The following GFM1 variants were observed in gnomAD, a reference collection of about 807,000 sequenced individuals.
GFM1 encodes the protein G elongation factor mitochondrial 1.
GFM1 carries 62 observed loss-of-function variants against 96.2 expected under a neutral mutation model. That is an observed-to-expected ratio of 0.64 (90% CI 0.53 to 0.80). The LOEUF (loss-of-function observed/expected upper bound fraction) is 0.80, where lower values mean the gene tolerates loss of function less well. GFM1 is among the 30% of genes least tolerant of loss of function. GFM1 has a pLI of 0.00. For missense variants in GFM1, 852 were observed against 916.6 expected (o/e 0.93, Z 0.91); for synonymous variants, 282 against 312.9 (o/e 0.90, Z 1.04).
chr3:158,645,645 G>C lies in GFM1; in HGVS notation c.98G>C (p.Cys33Ser). ...WQRKQVNWKA[C>S]RWSSSGVIPN... ...TTTTTTCAGGTTAATTGGAAGGCCT[G>C]CCGATGGTCTTCATCAGGGGTGATT... The change falls in exon 2 of 18, where the codon TGC (cysteine) becomes TCC (serine). Residue 33 changes from cysteine (C) to serine (S), a missense_variant. Cys to Ser is a moderately radical substitution (Grantham distance 112, BLOSUM62 -1). Coordinates refer to ENST00000486715, the MANE Select transcript of GFM1 (RefSeq NM_024996.7). The C allele has an allele frequency of 6.2e-7, 1 of 1,613,014 alleles. No homozygotes were observed. Among genetic ancestry groups the C allele is most frequent in the Non-Finnish European group, 8.5e-7 (1 of 1,179,006 alleles).
At chr3:158,664,094 A>C (rs1250534802) in intron 11 of GFM1, among the ~76,000 whole-genome samples, 3 of 152,328 alleles carry the variant, frequency 2.0e-5, no homozygotes, top group Admixed American at 6.5e-5. Context: ...AATGTGGATA[A>C]TTCTGCCTTG....
intron 8 of GFM1, among the ~76,000 whole-genome samples, chr3:158,655,485 G>GA (rs150158574): frequency 0.43 from 57,998 of 136,236 alleles, 12,787 homozygotes; most frequent in African/African-American, 0.6. Context: ...CTTCATCTCG[G>GA]AAAAAAAAAA....
At chr3:158,672,260 A>G (rs1724396612) in intron 13 of GFM1, 3 of 1,514,886 alleles carry the variant, frequency 2.0e-6, no homozygotes, top group Non-Finnish European at 2.7e-6. Flanking sequence ...GGTGGCACGG[A>G]GTGTCTGCAC....
chr3:158,683,739 A>G (rs1484784359), intron 14 of GFM1, among the ~76,000 whole-genome samples: 2 of 152,184 alleles, frequency 1.3e-5, no homozygotes, highest in African/African-American at 2.4e-5. Flanking sequence ...TGCTGTCTCT[A>G]TGATGGGTTA....
Position 158,653,363 on chromosome 3 carries a change from A to G in GFM1, c.894A>G (p.Gly298=), listed in dbSNP as rs1026873701. 3.7e-6 allele frequency: 6 copies of G among 1,613,520 alleles called. No individual in the cohort carries two copies. Among genetic ancestry groups the G allele is most frequent in the Non-Finnish European group, 5.1e-6 (6 of 1,179,584 alleles). Residue 298 remains glycine, a synonymous_variant, in exon 7 of 18, where the codon GGA becomes GGG. Coordinates refer to ENST00000486715, the MANE Select transcript of GFM1 (RefSeq NM_024996.7). ...GATCATTTACTCCTGTATTTTTGGG[A>G]AGCGCCTTGAAGAACAAAGGAGTTC... ...LKRSFTPVFL[G]SALKNKGVQP...
rs759222115 is a variant in GFM1, at chr3:158,690,220, C to T, written c.1967C>T (p.Ala656Val). ...CCTATTATGGCTGTGGAAGTTGTAG[C>T]TCCAAATGAATTTCAGGGACAAGTA... is the stretch of plus-strand genomic sequence containing the variant. Reference protein sequence around the residue: ...LEPIMAVEVVAPNEFQGQVIA... With the variant: ...LEPIMAVEVVVPNEFQGQVIA... Residue 656 changes from alanine to valine, a missense_variant, in exon 16 of 18, where the codon GCT (alanine) becomes GTT (valine). Physicochemically the swap from Ala to Val is moderately conservative, Grantham distance 64 (BLOSUM62 0). Coordinates refer to ENST00000486715, the MANE Select transcript of GFM1 (RefSeq NM_024996.7). 5 of 1,613,350 alleles carry T rather than the reference C, an allele frequency of 3.1e-6. No individual in the cohort carries two copies. The Admixed American group carries it at 8.3e-5, about 27-fold the overall frequency.
chr3:158,691,307 A>G (rs1278150745), intron 17 of GFM1, 29 bp from the exon 18 acceptor site: 3 of 1,613,256 alleles, frequency 1.9e-6, no homozygotes, highest in Non-Finnish European at 2.5e-6. Flanking sequence ...AAACAAACAA[A>G]AAACCCTCTC....
intron 8 of GFM1, among the ~76,000 whole-genome samples, chr3:158,658,321 C>T (rs1444952232): frequency 4.6e-5 from 7 of 152,156 alleles, no homozygotes; most frequent in African/African-American, 1.4e-4. Context: ...TGTGCCACCA[C>T]GTCTGGCTGA....
intron 6 of GFM1, 148 bp from the exon 7 acceptor site, chr3:158,653,162 G>A: frequency 1.6e-6 from 1 of 629,288 alleles, no homozygotes; most frequent in Non-Finnish European, 2.7e-6. Flanking sequence ...TTGACCTTAA[G>A]TTCATTGGAG....
chr3:158,646,358 C>T (rs891431378), intron 3 of GFM1, 61 bp downstream of exon 3: 14 of 1,558,686 alleles, frequency 9.0e-6, no homozygotes, highest in Non-Finnish European at 1.2e-5. Flanking sequence ...GGTTCTTTCT[C>T]TTACTGTGAC....
chr3:158,687,428 C>T (rs9824985), intron 15 of GFM1, among the ~76,000 whole-genome samples: 87,902 of 151,964 alleles, frequency 0.58, 26,247 homozygotes, highest in African/African-American at 0.73. Context: ...GAAAGAAGTC[C>T]TCAAAACATC....
At position 158,652,257 on chromosome 3, in the gene GFM1, T is replaced by G; in HGVS notation, c.840+11T>G. ...ATTTCTGATTTAAAGGCAAGTGCTT[T>G]CAAAATAAGTCTTATGTTAACAACA... On this transcript the variant is annotated intron_variant, in intron 6 of 17. Coordinates refer to ENST00000486715, the MANE Select transcript of GFM1 (RefSeq NM_024996.7). 1 of 1,613,060 alleles carries G rather than the reference T, an allele frequency of 6.2e-7. No homozygotes were observed. Among genetic ancestry groups the G allele is most frequent in the Non-Finnish European group, 8.5e-7 (1 of 1,178,986 alleles).
intron 13 of GFM1, among the ~76,000 whole-genome samples, chr3:158,681,264 T>G (rs1381477963): frequency 6.6e-6 from 1 of 152,198 alleles, no homozygotes; most frequent in Non-Finnish European, 1.5e-5. Flanking sequence ...AGATTTCAAT[T>G]TAAAGGAAGA....
intron 14 of GFM1, 49 bp downstream of exon 14, chr3:158,682,206 T>A (rs1272309112): frequency 1.4e-6 from 2 of 1,433,248 alleles, no homozygotes; most frequent in Non-Finnish European, 1.9e-6. Flanking sequence ...TAAAAACAGT[T>A]TATCAGGTAT....
At position 158,691,138 on chromosome 3, in the gene GFM1, G is replaced by C; in HGVS notation, c.2071-1G>C. 3 of 1,606,356 alleles carry C rather than the reference G, an allele frequency of 1.9e-6. No individual in the cohort carries two copies. The highest frequency in any genetic ancestry group is 2.6e-6 in the Non-Finnish European group (3 of 1,173,104). ...AAAATATCTACTATGTTTGTTTTCA[G>C]GTCCCTCTAAATGATATGTTTGGTT... On this transcript the variant is annotated splice_acceptor_variant, in intron 16 of 17. Coordinates refer to ENST00000486715, the MANE Select transcript of GFM1 (RefSeq NM_024996.7). LOFTEE classifies it high-confidence loss of function.
At chr3:158,677,778 A>G (rs1725028244) in intron 13 of GFM1, among the ~76,000 whole-genome samples, 1 of 152,252 alleles carries the variant, frequency 6.6e-6, no homozygotes, top group Admixed American at 6.5e-5. Context: ...CTGGGATTAC[A>G]GGCATGAGCC....
At position 158,693,095 on chromosome 3, in the gene GFM1, A is replaced by G. The variant is rs773718084; in HGVS notation, c.*1628A>G. ...AATAGAAGAAGCACAGATAAGGTAAATAACTTTAATGAGACCACAAAACCT... is the reference window on the plus strand; with the variant it reads ...AATAGAAGAAGCACAGATAAGGTAAGTAACTTTAATGAGACCACAAAACCT... On this transcript the variant is annotated 3_prime_UTR_variant, in exon 18 of 18. Transcript: ENST00000486715. 2 of 152,200 alleles carry G rather than the reference A, an allele frequency of 1.3e-5. No individual in the cohort carries two copies. The highest frequency in any genetic ancestry group is 2.4e-5 in the African/African-American group (1 of 41,452). The allele number at this position is 152,200 out of a possible 1,614,324, so 9.4% of individuals were successfully genotyped here.
chr3:158,661,647 G>C (rs1161881151), intron 10 of GFM1, among the ~76,000 whole-genome samples: 1 of 152,148 alleles, frequency 6.6e-6, no homozygotes, highest in Non-Finnish European at 1.5e-5. Flanking sequence ...CTGTAGGAGA[G>C]CAAACTCTCT....
Position 158,691,899 on chromosome 3 carries a change from G to T in GFM1, c.*432G>T. On this transcript the variant is annotated 3_prime_UTR_variant, in exon 18 of 18. Coordinates refer to ENST00000486715, the MANE Select transcript of GFM1 (RefSeq NM_024996.7). Reference sequence around the variant, plus strand: ...TCCATCTACCTTCCTTTGTTAACGGGTTGTTTATCATATAATAATTTGTTT... The same window carrying T: ...TCCATCTACCTTCCTTTGTTAACGGTTTGTTTATCATATAATAATTTGTTT... The T allele has an allele frequency of 5.7e-6, 1 of 174,046 alleles. No individual in the cohort carries two copies. Among genetic ancestry groups the T allele is most frequent in the South Asian group, 1.2e-4 (1 of 8,200 alleles). The allele number at this position is 174,046 out of a possible 1,614,324, so 10.8% of individuals were successfully genotyped here. A position where few individuals can be genotyped will look rare whatever the true frequency, so the allele number is the denominator to read the frequency against.
Sources: gnomAD v4.1 joint callset for allele counts (sites outside exome capture counted in the v4.1 genomes callset) on GRCh38, gnomAD v4.1.1 for gene constraint, MANE v1.5 for transcripts, NCBI Gene and HGNC (gene_info 2026-07-23, HGNC 2026-07-21) for gene names.